The following PARP2 variants were observed in gnomAD, a reference collection of about 807,000 sequenced individuals.
PARP2 encodes poly(ADP-ribose) polymerase 2, also known as poly [ADP-ribose] polymerase 2.
A neutral mutation model predicts 77.8 loss-of-function variants in PARP2; 57 were observed. The observed-to-expected ratio is 0.73, with a 90% CI of 0.59 to 0.91. The LOEUF (loss-of-function observed/expected upper bound fraction) is 0.91. Among genes scored for constraint, PARP2 ranks in the 40% least tolerant of loss-of-function variants. The pLI, the probability that PARP2 is intolerant of heterozygous loss-of-function variation, is 0.00. For missense variants in PARP2, 651 were observed against 689.0 expected, an observed-to-expected ratio of 0.94 and a Z score of 0.62; for synonymous variants, 226 against 242.6, an observed-to-expected ratio of 0.93 and a Z score of 0.64.
At chr14:20,353,219 C>T (rs955917182) in intron 7 of PARP2, among the ~76,000 whole-genome samples, 3 of 139,174 alleles carry the variant, frequency 2.2e-5, no homozygotes, top group Admixed American at 7.2e-5. Context: ...TATTTCCAGA[C>T]GTTTATTGTT....
Position 20,350,583 on chromosome 14 carries a change from G to T in PARP2, c.382G>T (p.Ala128Ser), listed in dbSNP as rs1251177694. The part of the protein sequence containing the change: ...YYLIQLLEDD[A>S]QRNFSVWMRW... ...TCTGATTCAGCTATTAGAAGATGAT[G>T]CCCAGAGGAACTTCAGTGTTTGGAT... Residue 128 changes from alanine (A) to serine (S), a missense_variant, in exon 5 of 16, where the codon GCC becomes TCC. Ala to Ser is a moderately conservative substitution (Grantham distance 99, BLOSUM62 1). Transcript: ENST00000429687. The T allele has an allele frequency of 6.2e-7, 1 of 1,611,244 alleles. No individual in the cohort carries two copies. Among genetic ancestry groups the T allele is most frequent in the South Asian group, 1.1e-5 (1 of 91,006 alleles).
At chr14:20,345,208 C>A in intron 2 of PARP2, 121 bp downstream of exon 2, 1 of 1,192,764 alleles carries the variant, frequency 8.4e-7, no homozygotes, top group Non-Finnish European at 1.2e-6. Flanking sequence ...ATTTCTCTAT[C>A]CTTTGGGCAT....
chr14:20,349,215 G>C (rs971667499), intron 4 of PARP2, among the ~76,000 whole-genome samples: 1 of 152,098 alleles, frequency 6.6e-6, no homozygotes, highest in Non-Finnish European at 1.5e-5. Flanking sequence ...AGCTACTTTG[G>C]AGGCTGAGGT....
chr14:20,357,408 C>G lies in PARP2; in HGVS notation c.1441C>G (p.Gln481Glu), dbSNP rs1128782. 1 of 1,609,156 alleles carries G rather than the reference C, an allele frequency of 6.2e-7. No homozygotes were observed. Among genetic ancestry groups the G allele is most frequent in the African/African-American group, 1.3e-5 (1 of 74,526 alleles). The change falls in exon 15 of 16, where the codon CAG becomes GAG. Residue 481 changes from glutamine (Q) to glutamate (E), a missense_variant. Physicochemically the swap from Gln to Glu is conservative, Grantham distance 29. Coordinates refer to ENST00000429687, the MANE Select transcript of PARP2 (RefSeq NM_001042618.2). ...TTTTGCTTTGCAGGTAGCTCTAGGT[C>G]AGTGTAATGAACTACTAGAGGCCAA... The part of the protein sequence containing the change: ...LLLLSEVALG[Q>E]CNELLEANPK...
At chr14:20,345,573 C>A (rs1883687866) in intron 3 of PARP2, 109 bp downstream of exon 3, 1 of 748,652 alleles carries the variant, frequency 1.3e-6, no homozygotes, top group Non-Finnish European at 2.3e-6. Context: ...GGAATCCTCT[C>A]CAAAATATGA....
intron 4 of PARP2, among the ~76,000 whole-genome samples, chr14:20,349,874 A>T (rs1883895918): frequency 6.6e-6 from 1 of 152,204 alleles, no homozygotes; most frequent in South Asian, 2.1e-4. Context: ...ATGCCTTATC[A>T]TGGACTTCTC....
In PARP2 at chr14:20,354,809, G is replaced by C; in HGVS notation, c.764G>C (p.Gly255Ala). 1 of 1,611,186 alleles carries C rather than the reference G, an allele frequency of 6.2e-7. No individual in the cohort carries two copies. The highest frequency in any genetic ancestry group is 8.5e-7 in the Non-Finnish European group (1 of 1,178,646). ...GTCTGATCTCTGGGTGGGCCTGCAG[G>C]GAAGCTGACAGTGGCACAAATCAAG... ...MKYNTKKAPL[G>A]KLTVAQIKAG... The change falls in exon 9 of 16, where the codon GGG (glycine) becomes GCG (alanine). Residue 255 changes from glycine (G) to alanine (A), a missense_variant and splice_region_variant. Gly to Ala is a moderately conservative substitution (Grantham distance 60). Coordinates refer to ENST00000429687, the MANE Select transcript of PARP2 (RefSeq NM_001042618.2).
chr14:20,357,806 A>T lies in PARP2; in HGVS notation c.*9A>T. 6.2e-7 allele frequency: 1 copy of T among 1,608,728 alleles called. No individual in the cohort carries two copies. The highest frequency in any genetic ancestry group is 1.7e-4 in the Middle Eastern group (1 of 6,050). On this transcript the variant is annotated 3_prime_UTR_variant, in exon 16 of 16. Coordinates refer to ENST00000429687, the MANE Select transcript of PARP2 (RefSeq NM_001042618.2). Reference sequence around the variant, plus strand: ...TCCTTCAGCTGTGGTGAATGTTGATATTAAATAAACCAGAGATCTGATCTT... The same window carrying T: ...TCCTTCAGCTGTGGTGAATGTTGATTTTAAATAAACCAGAGATCTGATCTT...
chr14:20,345,885 T>C (rs935292645), intron 3 of PARP2, among the ~76,000 whole-genome samples: 1 of 147,850 alleles, frequency 6.8e-6, no homozygotes, highest in African/African-American at 2.5e-5. Context: ...GAGAGAGAGA[T>C]TGGAGAAGGT....
At chr14:20,347,380 ATATATATATATATATATATTTTTTT>A in intron 4 of PARP2, among the ~76,000 whole-genome samples, 1 of 14,676 alleles carries the variant, frequency 6.8e-5, no homozygotes, top group Non-Finnish European at 1.3e-4. Context: ...ATATATATAT[ATATATATATATATATATATTTTTTT>A]TTTTTTTTTT....
At position 20,357,645 on chromosome 14, in the gene PARP2, A is replaced by C; in HGVS notation, c.1561A>C (p.Ser521Arg). ...SSAHFVTLNG[S>R]TVPLGPASDT... ...TTTTTTTCCATTTGGCAGGAATGGG[A>C]GTACAGTGCCATTAGGACCAGCAAG... is the stretch of plus-strand genomic sequence containing the variant. The change falls in exon 16 of 16, where the codon AGT becomes CGT. Residue 521 changes from serine (S) to arginine (R), a missense_variant. Transcript: ENST00000429687. 6.2e-7 allele frequency: 1 copy of C among 1,611,904 alleles called. No homozygotes were observed. The highest frequency in any genetic ancestry group is 2.2e-5 in the East Asian group (1 of 44,866).
Position 20,346,854 on chromosome 14 carries a change from C to CT in PARP2, c.274-9_274-8insT. The CT allele has an allele frequency of 1.1e-5, 18 of 1,582,998 alleles. No homozygotes were observed. The highest frequency in any genetic ancestry group is 1.5e-5 in the Non-Finnish European group (17 of 1,156,160). ...CTAATGTTGATTTTTTCTCTCTCTC[C>CT]CTTTCTAGGCTCATGTGTATTGTGA... is the stretch of plus-strand genomic sequence containing the variant. On this transcript the variant is annotated splice_polypyrimidine_tract_variant and intron_variant, in intron 3 of 15. Coordinates refer to ENST00000429687, the MANE Select transcript of PARP2 (RefSeq NM_001042618.2).
chr14:20,353,465 G>C (rs879831089), intron 7 of PARP2, among the ~76,000 whole-genome samples: 1 of 151,278 alleles, frequency 6.6e-6, no homozygotes, highest in Non-Finnish European at 1.5e-5. Flanking sequence ...GGATGGTCTC[G>C]ATCTCCTGAC....
At chr14:20,357,176 C>G in intron 14 of PARP2, 27 bp downstream of exon 14, 1 of 1,498,548 alleles carries the variant, frequency 6.7e-7, no homozygotes, top group Non-Finnish European at 9.3e-7. Flanking sequence ...TCTGTGATCT[C>G]TAGTTTATTA....
intron 9 of PARP2, chr14:20,355,385 A>G: frequency 5.4e-6 from 1 of 185,552 alleles, no homozygotes; most frequent in Non-Finnish European, 1.1e-5. Context: ...AGCTTTATAG[A>G]GCCCCGTGAC....
chr14:20,356,486 C>G, intron 12 of PARP2, 52 bp downstream of exon 12: 1 of 1,612,514 alleles, frequency 6.2e-7, no homozygotes, highest in Non-Finnish European at 8.5e-7. Context: ...GAAAGTACAG[C>G]TGTAGAACTT....
chr14:20,357,555 C>T lies in PARP2; in HGVS notation c.1553+35C>T, dbSNP rs1244653122. ...CAGAACCAGGAGGACTAGAAGACTC[C>T]TTTTGGCCAGATAAGACTACGTTCT... On this transcript the variant is annotated intron_variant, in intron 15 of 15. Coordinates refer to ENST00000429687, the MANE Select transcript of PARP2 (RefSeq NM_001042618.2). 3.1e-6 allele frequency: 5 copies of T among 1,602,174 alleles called. No individual in the cohort carries two copies. In the East Asian group the frequency reaches 8.9e-5, roughly 29 times the overall value.
At chr14:20,346,980 AG>A in intron 4 of PARP2, 67 bp downstream of exon 4, 1 of 994,714 alleles carries the variant, frequency 1.0e-6, no homozygotes, top group East Asian at 2.4e-5. Flanking sequence ...TATTGATGAT[AG>A]CATCACAGTG....
In PARP2 at chr14:20,350,853, A is replaced by T. The variant is rs938319395; in HGVS notation, c.422-194A>T. ...CCATTGAGTCTGAAAACTCTTCTATAGTTGAACTGCTAGTAGTGCTCATAG... is the reference window on the plus strand; with the variant it reads ...CCATTGAGTCTGAAAACTCTTCTATTGTTGAACTGCTAGTAGTGCTCATAG... On this transcript the variant is annotated intron_variant, in intron 5 of 15. Coordinates refer to ENST00000429687, the MANE Select transcript of PARP2 (RefSeq NM_001042618.2). 5.2e-5 allele frequency: 32 copies of T among 610,386 alleles called. No homozygotes were observed. The Admixed American group carries it at 5.6e-4, about 11-fold the overall frequency. 37.8% of individuals were successfully genotyped at this position (610,386 alleles called of 1,614,324 possible). A position where few individuals can be genotyped will look rare whatever the true frequency, so the allele number is the denominator to read the frequency against.
Sources: gnomAD v4.1 joint callset for allele counts (sites outside exome capture counted in the v4.1 genomes callset) on GRCh38, gnomAD v4.1.1 for gene constraint, MANE v1.5 for transcripts, NCBI Gene and HGNC (gene_info 2026-07-23, HGNC 2026-07-21) for gene names.